The following AGBL4 variants were observed in gnomAD, a reference collection of about 807,000 sequenced individuals.
The protein encoded by AGBL4 is cytosolic carboxypeptidase 6.
A neutral mutation model predicts 66.4 loss-of-function variants in AGBL4; 58 were observed. The observed-to-expected ratio is 0.87, with a 90% CI of 0.71 to 1.09. The LOEUF is 1.09. Ranked by LOEUF, AGBL4 falls within the 50% of genes least tolerant of loss-of-function variation. The pLI is 0.00. For synonymous variants in AGBL4, 234 were observed against 222.9 expected, an observed-to-expected ratio of 1.05 and a Z score of -0.44; for missense variants, 579 against 631.0, an observed-to-expected ratio of 0.92 and a Z score of 0.88.
At chr1:48,605,245 G>T (rs55957567) in intron 9 of AGBL4, among the ~76,000 whole-genome samples, 19,700 of 152,126 alleles carry the variant, frequency 0.13, 1,484 homozygotes, top group South Asian at 0.18. Flanking sequence ...ATGAATTATT[G>T]GTAGGCAAGG....
At chr1:48,590,784 G>A in intron 10 of AGBL4, 49 bp downstream of exon 10, 12 of 1,540,940 alleles carry the variant, frequency 7.8e-6, no homozygotes, top group Non-Finnish European at 1.0e-5. Context: ...AAGACGGGGA[G>A]GCAGGGTGTG....
At chr1:49,152,058 A>G (rs1646346761) in intron 4 of AGBL4, among the ~76,000 whole-genome samples, 2 of 152,240 alleles carry the variant, frequency 1.3e-5, no homozygotes, top group South Asian at 4.1e-4. Context: ...TAGTATGTCA[A>G]GTATCTTACA....
chr1:48,935,540 T>C (rs1655375769), intron 5 of AGBL4, among the ~76,000 whole-genome samples: 1 of 152,136 alleles, frequency 6.6e-6, no homozygotes, highest in African/African-American at 2.4e-5. Context: ...CTTTTCTAAG[T>C]GGTAATTTAC....
At chr1:48,630,651 T>C (rs1170113268) in intron 9 of AGBL4, among the ~76,000 whole-genome samples, 3 of 152,242 alleles carry the variant, frequency 2.0e-5, no homozygotes, top group Non-Finnish European at 2.9e-5. Flanking sequence ...CGTCCGAATT[T>C]ATTTTTCTAA....
chr1:49,049,265 T>C (rs1281308239), intron 4 of AGBL4, among the ~76,000 whole-genome samples: 1 of 152,172 alleles, frequency 6.6e-6, no homozygotes, highest in Non-Finnish European at 1.5e-5. Flanking sequence ...AGATGAGGCA[T>C]ATAGTCAATT....
At chr1:49,214,176 G>T (rs1281736702) in intron 4 of AGBL4, among the ~76,000 whole-genome samples, 1 of 152,080 alleles carries the variant, frequency 6.6e-6, no homozygotes, top group East Asian at 1.9e-4. Flanking sequence ...CCCATGGTAG[G>T]TAGGGCTTAT....
At chr1:50,000,171 C>T (rs1482763265) in intron 1 of AGBL4, among the ~76,000 whole-genome samples, 2 of 152,154 alleles carry the variant, frequency 1.3e-5, no homozygotes, top group South Asian at 2.1e-4. Flanking sequence ...GTAATCTATA[C>T]AGCTGGCAAA....
chr1:48,974,597 A>G (rs1659167873), intron 5 of AGBL4, among the ~76,000 whole-genome samples: 1 of 152,198 alleles, frequency 6.6e-6, no homozygotes, highest in Non-Finnish European at 1.5e-5. Context: ...GGAGAAATTT[A>G]TGAACCAAAA....
chr1:48,731,469 A>C (rs1557915114), intron 6 of AGBL4, among the ~76,000 whole-genome samples: 1 of 152,176 alleles, frequency 6.6e-6, no homozygotes, highest in African/African-American at 2.4e-5. Flanking sequence ...AGGCAAAGAT[A>C]CAGTAAGAAG....
intron 3 of AGBL4, among the ~76,000 whole-genome samples, chr1:49,658,792 G>A (rs1474273708): frequency 6.6e-6 from 1 of 151,890 alleles, no homozygotes; most frequent in Non-Finnish European, 1.5e-5. Context: ...CTCACTCACA[G>A]GTGGGAATTG....
intron 9 of AGBL4, among the ~76,000 whole-genome samples, chr1:48,610,022 G>C (rs1645212737): frequency 6.6e-6 from 1 of 152,124 alleles, no homozygotes; most frequent in African/African-American, 2.4e-5. Flanking sequence ...CATCATTTGG[G>C]GCAAGCATTC....
At chr1:49,798,880 TTAAG>T in intron 2 of AGBL4, among the ~76,000 whole-genome samples, 1 of 152,304 alleles carries the variant, frequency 6.6e-6, no homozygotes, top group East Asian at 1.9e-4. Context: ...GCCAGCATAG[TTAAG>T]TGTTTGGTTG....
At chr1:48,583,632 A>G (rs1230224256) in intron 11 of AGBL4, among the ~76,000 whole-genome samples, 1 of 152,198 alleles carries the variant, frequency 6.6e-6, no homozygotes, top group Non-Finnish European at 1.5e-5. Flanking sequence ...CTCACCTCAG[A>G]CAGGTTACAG....
intron 6 of AGBL4, among the ~76,000 whole-genome samples, chr1:48,680,632 G>A (rs1401729353): frequency 6.6e-6 from 1 of 152,202 alleles, no homozygotes; most frequent in Non-Finnish European, 1.5e-5. Context: ...TGGCAAGGCC[G>A]AAGAAGAATT....
chr1:49,395,831 G>GTA (rs1168054468), intron 3 of AGBL4, among the ~76,000 whole-genome samples: 3,296 of 78,918 alleles, frequency 0.042, 62 homozygotes, highest in Non-Finnish European at 0.061. Flanking sequence ...ATATATATGT[G>GTA]TATATATATA....
At chr1:48,581,875 G>A (rs1269778195) in intron 11 of AGBL4, among the ~76,000 whole-genome samples, 2 of 152,232 alleles carry the variant, frequency 1.3e-5, no homozygotes, top group African/African-American at 4.8e-5. Context: ...TGACGCAAAA[G>A]AGAACTCACA....
At chr1:49,186,948 G>A (rs375635838) in intron 4 of AGBL4, among the ~76,000 whole-genome samples, 2 of 152,078 alleles carry the variant, frequency 1.3e-5, no homozygotes, top group African/African-American at 4.8e-5. Flanking sequence ...CATCTACAAT[G>A]TCCATGAAAT....
intron 5 of AGBL4, among the ~76,000 whole-genome samples, chr1:48,984,891 A>C (rs1660060960): frequency 6.6e-6 from 1 of 152,154 alleles, no homozygotes; most frequent in South Asian, 2.1e-4. Context: ...CCACAAGATC[A>C]TATATGCAGA....
chr1:49,740,967 C>A (rs1412170849), intron 2 of AGBL4, among the ~76,000 whole-genome samples: 1 of 152,104 alleles, frequency 6.6e-6, no homozygotes, highest in African/African-American at 2.4e-5. Flanking sequence ...AAAATTGACA[C>A]CCTAACATCA....
Sources: gnomAD v4.1 joint callset for allele counts (sites outside exome capture counted in the v4.1 genomes callset) on GRCh38, gnomAD v4.1.1 for gene constraint, MANE v1.5 for transcripts, NCBI Gene and HGNC (gene_info 2026-07-23, HGNC 2026-07-21) for gene names.